The following MGAM variants were observed in gnomAD, a reference collection of about 807,000 sequenced individuals.
The protein encoded by MGAM is maltase-glucoamylase.
A neutral mutation model predicts 358.8 loss-of-function variants in MGAM; 253 were observed. That is an observed-to-expected ratio of 0.71 (90% confidence interval 0.64 to 0.78). MGAM has a LOEUF of 0.78. MGAM is among the 30% of genes least tolerant of loss of function. MGAM has a pLI of 0.00. For synonymous variants in MGAM, 1,105 were observed against 1,227.1 expected, an observed-to-expected ratio of 0.90 and a Z score of 2.08; for missense variants, 3,080 against 3,432.6, an observed-to-expected ratio of 0.90 and a Z score of 2.57.
Position 142,053,750 on chromosome 7 carries a change from A to G in MGAM, c.3159+766A>G, listed in dbSNP as rs115908434. Among the ~76,000 whole-genome samples the G allele has an allele frequency of 6.0e-3, 916 of 152,254 alleles. 9 individuals carry two copies. Among genetic ancestry groups the G allele is most frequent in the African/African-American group, 0.021 (870 of 41,554 alleles). On this transcript the variant is annotated intron_variant, in intron 26 of 70. Coordinates refer to ENST00000475668, the MANE Select transcript of MGAM (RefSeq NM_001365693.1). ...GTGAAAGTGGTCAGGACATTGTCAC[A>G]TTGCCTGAAAGGTTCTTTACAATCT...
At chr7:142,044,510 A>G (rs1439421860) in intron 21 of MGAM, among the ~76,000 whole-genome samples, 2 of 92,552 alleles carry the variant, frequency 2.2e-5, no homozygotes, top group African/African-American at 7.1e-5. Flanking sequence ...TATATGATAT[A>G]TAATGTATAT....
intron 53 of MGAM, among the ~76,000 whole-genome samples, 188 bp from the exon 54 acceptor site, chr7:142,084,331 A>G (rs1814578556): frequency 1.4e-5 from 2 of 146,072 alleles, no homozygotes; most frequent in Non-Finnish European, 3.1e-5. Flanking sequence ...ATTTTTAAGA[A>G]GGAGCTCAAG....
intron 5 of MGAM, 111 bp downstream of exon 5, chr7:142,021,194 T>C (rs1806425227): frequency 1.4e-6 from 1 of 696,104 alleles, no homozygotes; most frequent in South Asian, 2.0e-5. Flanking sequence ...TATTTTTCTA[T>C]ATTGCTATTA....
chr7:142,097,565 G>C, intron 65 of MGAM, 28 bp from the exon 66 acceptor site: 1 of 1,604,914 alleles, frequency 6.2e-7, no homozygotes, highest in Non-Finnish European at 8.5e-7. Context: ...TGGTGCCACT[G>C]CCACACCTTG....
At chr7:142,097,227 G>A (rs966207787) in intron 65 of MGAM, among the ~76,000 whole-genome samples, 22 of 152,050 alleles carry the variant, frequency 1.4e-4, no homozygotes, top group African/African-American at 5.3e-4. Flanking sequence ...GTGAGCCACC[G>A]TGTCCAGCCC....
At position 142,022,256 on chromosome 7, in the gene MGAM, A is replaced by C; in HGVS notation, c.711-12A>C. ...TTGCTCACCCATCCTTGTGTTCTCC[A>C]CCTGTGTCTAGGTTTGACTCGAGCA... is the stretch of plus-strand genomic sequence containing the variant. On this transcript the variant is annotated splice_polypyrimidine_tract_variant and intron_variant, in intron 6 of 70. Coordinates refer to ENST00000475668, the MANE Select transcript of MGAM (RefSeq NM_001365693.1). The C allele has an allele frequency of 6.3e-7, 1 of 1,593,738 alleles. No individual in the cohort carries two copies. Among genetic ancestry groups the C allele is most frequent in the South Asian group, 1.1e-5 (1 of 88,614 alleles).
chr7:142,003,379 C>T (rs370834482), intron 1 of MGAM, among the ~76,000 whole-genome samples: 31 of 151,908 alleles, frequency 2.0e-4, no homozygotes, highest in African/African-American at 7.2e-4. Context: ...ACATATAAAT[C>T]GGTAGAAAAG....
At chr7:142,084,003 G>A (rs1180762208) in intron 53 of MGAM, among the ~76,000 whole-genome samples, 1 of 145,880 alleles carries the variant, frequency 6.9e-6, no homozygotes, top group African/African-American at 2.4e-5. Flanking sequence ...GACCATGGTT[G>A]TTGTGGCAGC....
At chr7:142,086,071 T>G in intron 55 of MGAM, 110 bp downstream of exon 55, 1 of 1,479,818 alleles carries the variant, frequency 6.8e-7, no homozygotes, top group Admixed American at 1.9e-5. Context: ...TGAAGTGTAG[T>G]AAGAAATGTG....
chr7:141,991,235 A>C (rs1803934812), upstream of MGAM, among the ~76,000 whole-genome samples: 1 of 152,198 alleles, frequency 6.6e-6, no homozygotes, highest in African/African-American at 2.4e-5. Flanking sequence ...CACTCTGTAG[A>C]TGTTGTTACT....
Position 142,068,630 on chromosome 7 carries a change from T to G in MGAM, c.5005-17T>G. On this transcript the variant is annotated splice_polypyrimidine_tract_variant and intron_variant, in intron 42 of 70. Transcript: ENST00000475668. ...AAAATGGTGGCACTGCCTCACCTTG[T>G]TTGTGTTTCATTTTAGAATGCCAGA... The G allele has an allele frequency of 1.3e-6, 2 of 1,519,508 alleles. No homozygotes were observed. The highest frequency in any genetic ancestry group is 2.7e-5 in the African/African-American group (2 of 74,512). 94.1% of individuals were successfully genotyped at this position (1,519,508 alleles called of 1,614,324 possible). A position where few individuals can be genotyped will look rare whatever the true frequency, so the allele number is the denominator to read the frequency against.
intron 4 of MGAM, among the ~76,000 whole-genome samples, chr7:142,020,343 T>A (rs1381796215): frequency 6.6e-6 from 1 of 152,082 alleles, no homozygotes; most frequent in South Asian, 2.1e-4. Flanking sequence ...GGTCTGAGAA[T>A]GTAAAGGGTA....
At chr7:142,030,819 T>C (rs1443693126) in intron 12 of MGAM, 62 bp downstream of exon 12, 7 of 131,434 alleles carry the variant, frequency 5.3e-5, no homozygotes, top group Non-Finnish European at 8.1e-5. Context: ...TGAATGTGTC[T>C]GTGTGTGTGT....
At position 142,076,733 on chromosome 7, in the gene MGAM, T is replaced by G; in HGVS notation, c.5400T>G (p.Ile1800Met). 1 of 1,553,356 alleles carries G rather than the reference T, an allele frequency of 6.4e-7. No individual in the cohort carries two copies. Residue 1800 changes from isoleucine to methionine, a missense_variant, in exon 47 of 71, where the codon ATT becomes ATG. Ile to Met is a conservative substitution (Grantham distance 10, BLOSUM62 1). Transcript: ENST00000475668. Reference sequence around the variant, plus strand: ...ATTTAGCATTCAATGAGATTAAAATTCTTGGGATGGAGGAACCTAGCAATG... The same window carrying G: ...ATTTAGCATTCAATGAGATTAAAATGCTTGGGATGGAGGAACCTAGCAATG... Reference protein sequence around the residue: ...PNNLAFNEIKILGMEEPSNVT... With the variant: ...PNNLAFNEIKMLGMEEPSNVT...
intron 2 of MGAM, 86 bp downstream of exon 2, chr7:142,005,743 C>T (rs1805106191): frequency 7.5e-7 from 1 of 1,329,898 alleles, no homozygotes; most frequent in Non-Finnish European, 1.0e-6. Flanking sequence ...TGCTTTCATG[C>T]TCATGTGTGT....
intron 21 of MGAM, among the ~76,000 whole-genome samples, chr7:142,045,208 A>AC (rs1210620586): frequency 8.0e-5 from 1 of 12,444 alleles, no homozygotes; most frequent in Non-Finnish European, 1.3e-4. Context: ...TATATTATAT[A>AC]ACATATATGT....
rs542740037 is a variant in MGAM, at chr7:141,996,344, TAAAC to T, written c.-3+417_-3+420del. On this transcript the variant is annotated intron_variant, in intron 1 of 70. Coordinates refer to ENST00000475668, the MANE Select transcript of MGAM (RefSeq NM_001365693.1). ...CTTGTTAATTTGTTAAACACAAAGA[TAAAC>T]AACACCAATAATAAATCAAAAATTA... 8.5e-4 allele frequency among the ~76,000 whole-genome samples: 128 copies of T among 150,974 alleles called. 1 individual carries two copies. The highest frequency in any genetic ancestry group is 3.4e-3 in the Middle Eastern group (1 of 290).
chr7:142,045,431 G>A (rs1273020183), intron 21 of MGAM, among the ~76,000 whole-genome samples: 6 of 104,044 alleles, frequency 5.8e-5, no homozygotes, highest in African/African-American at 2.0e-4. Flanking sequence ...TATAATACAT[G>A]ATATATTATA....
At chr7:141,998,199 A>G (rs1554449395) in intron 1 of MGAM, among the ~76,000 whole-genome samples, 1 of 152,220 alleles carries the variant, frequency 6.6e-6, no homozygotes, top group African/African-American at 2.4e-5. Context: ...TCAAGAAGAA[A>G]AAAATTCTAT....
Sources: allele counts gnomAD v4.1 joint callset (sites outside exome capture counted in the v4.1 genomes callset), GRCh38; gene constraint gnomAD v4.1.1; transcripts MANE v1.5; gene names NCBI Gene and HGNC (gene_info 2026-07-23, HGNC 2026-07-21).